CDH18: variants seen among roughly 807,000 people sequenced by gnomAD.
The protein encoded by CDH18 is cadherin 18, also known as cadherin-18.
In CDH18, 31 loss-of-function variants were observed where a neutral mutation model predicts 67.9. The observed-to-expected ratio is 0.46, with a 90% CI of 0.34 to 0.62. The LOEUF (loss-of-function observed/expected upper bound fraction) is 0.62. Among genes scored for constraint, CDH18 ranks in the 20% least tolerant of loss-of-function variants. The pLI, the probability that CDH18 is intolerant of heterozygous loss-of-function variation, is 0.01. For synonymous variants in CDH18, 362 were observed against 347.2 expected (o/e 1.04, Z -0.48); for missense variants, 890 against 975.5 (o/e 0.91, Z 1.17).
At chr5:20,402,742 G>C (rs1432891015) in intron 1 of CDH18, among the ~76,000 whole-genome samples, 1 of 152,044 alleles carries the variant, frequency 6.6e-6, no homozygotes. Context: ...TGACTTATCA[G>C]GGTGCTGCTT....
At chr5:19,734,943 T>C (rs1238557586) in intron 4 of CDH18, among the ~76,000 whole-genome samples, 2 of 152,136 alleles carry the variant, frequency 1.3e-5, no homozygotes, top group African/African-American at 2.4e-5. Flanking sequence ...CTTTAAGCAA[T>C]AAAAGTTGAT....
At chr5:19,812,704 C>A (rs557506414) in intron 3 of CDH18, among the ~76,000 whole-genome samples, 50 of 152,194 alleles carry the variant, frequency 3.3e-4, no homozygotes, top group African/African-American at 1.1e-3. Flanking sequence ...AGTAGAAACG[C>A]TTTTACACTG....
intron 2 of CDH18, among the ~76,000 whole-genome samples, chr5:20,053,607 C>T (rs1181995094): frequency 6.6e-6 from 1 of 151,932 alleles, no homozygotes; most frequent in Non-Finnish European, 1.5e-5. Context: ...CTTATCAGTC[C>T]TTCCTTCAAA....
intron 1 of CDH18, among the ~76,000 whole-genome samples, chr5:20,436,382 A>C (rs919943560): frequency 6.6e-6 from 1 of 151,858 alleles, no homozygotes; most frequent in Non-Finnish European, 1.5e-5. Flanking sequence ...CCACTATTCT[A>C]TCATGCTCTT....
At chr5:19,757,090 A>C (rs1447537871) in intron 3 of CDH18, among the ~76,000 whole-genome samples, 2 of 152,206 alleles carry the variant, frequency 1.3e-5, no homozygotes, top group Admixed American at 1.3e-4. Context: ...AGTTAATTCC[A>C]TGAGGATAAG....
intron 2 of CDH18, among the ~76,000 whole-genome samples, chr5:19,878,548 A>G (rs1030978965): frequency 1.3e-5 from 2 of 152,078 alleles, no homozygotes; most frequent in African/African-American, 2.4e-5. Flanking sequence ...TTACCTACCT[A>G]AAAGAAACAA....
intron 1 of CDH18, among the ~76,000 whole-genome samples, chr5:20,464,854 A>G (rs564842916): frequency 5.7e-4 from 87 of 152,260 alleles, no homozygotes; most frequent in African/African-American, 2.0e-3. Flanking sequence ...AGGAACAAGA[A>G]AAACTTGCCA....
chr5:20,188,505 CATT>C (rs1384662733), intron 2 of CDH18, among the ~76,000 whole-genome samples: 3 of 152,058 alleles, frequency 2.0e-5, no homozygotes, highest in Non-Finnish European at 2.9e-5. Context: ...TTATCTTCAT[CATT>C]ATCATTTTCA....
At chr5:19,687,413 G>A (rs1580871784) in intron 5 of CDH18, among the ~76,000 whole-genome samples, 1 of 152,276 alleles carries the variant, frequency 6.6e-6, no homozygotes, top group East Asian at 1.9e-4. Flanking sequence ...TCACACAGAG[G>A]ACTACAGTGG....
At chr5:20,105,509 A>G (rs1746853807) in intron 2 of CDH18, among the ~76,000 whole-genome samples, 1 of 152,212 alleles carries the variant, frequency 6.6e-6, no homozygotes, top group South Asian at 2.1e-4. Context: ...AGTGTTGAGC[A>G]ATCATTACCA....
intron 3 of CDH18, among the ~76,000 whole-genome samples, chr5:19,756,831 T>C (rs1254488805): frequency 1.3e-5 from 2 of 152,186 alleles, no homozygotes; most frequent in African/African-American, 2.4e-5. Flanking sequence ...AGTGGATCAC[T>C]AGGGGAGATG....
At chr5:19,559,068 T>C (rs1429435934) in intron 8 of CDH18, among the ~76,000 whole-genome samples, 2 of 152,114 alleles carry the variant, frequency 1.3e-5, no homozygotes, top group South Asian at 2.1e-4. Context: ...TTGAGCTTGT[T>C]TGGATCTTCT....
At chr5:20,228,018 A>C (rs931251559) in intron 2 of CDH18, among the ~76,000 whole-genome samples, 61 of 152,148 alleles carry the variant, frequency 4.0e-4, no homozygotes, top group African/African-American at 1.4e-3. Context: ...ATTTATGTTA[A>C]ATCCAATGTT....
At chr5:19,948,093 A>T (rs1251831731) in intron 2 of CDH18, among the ~76,000 whole-genome samples, 1 of 152,224 alleles carries the variant, frequency 6.6e-6, no homozygotes, top group African/African-American at 2.4e-5. Flanking sequence ...CACAAACACC[A>T]TTTAGAATAG....
intron 2 of CDH18, among the ~76,000 whole-genome samples, chr5:19,893,590 C>T (rs1439209589): frequency 6.6e-6 from 1 of 152,134 alleles, no homozygotes; most frequent in Non-Finnish European, 1.5e-5. Flanking sequence ...CTCTTTCTCT[C>T]TCTCTCTCCT....
At chr5:19,839,951 G>T (rs777454632) in intron 2 of CDH18, among the ~76,000 whole-genome samples, 1 of 151,902 alleles carries the variant, frequency 6.6e-6, no homozygotes, top group Non-Finnish European at 1.5e-5. Context: ...AAAATGTTTT[G>T]ATTTTTAAAA....
Position 19,543,945 on chromosome 5 carries a change from C to T in CDH18, c.1314G>A (p.Gly438=). ...CGAGAACCTTTGTAGTCCTAATGGT[C>T]CCAGTATTGGCATCAATGTTGAAAA... is the stretch of plus-strand genomic sequence containing the variant. ...DRFFNIDANT[G]TIRTTKVLDR... Residue 438 remains glycine, a synonymous_variant, in exon 9 of 13, where the codon GGG becomes GGA. Coordinates refer to ENST00000382275, the MANE Select transcript of CDH18 (RefSeq NM_004934.5). The T allele has an allele frequency of 6.3e-7, 1 of 1,595,860 alleles. No individual in the cohort carries two copies. Among genetic ancestry groups the T allele is most frequent in the Non-Finnish European group, 8.6e-7 (1 of 1,166,380 alleles).
intron 3 of CDH18, among the ~76,000 whole-genome samples, chr5:19,781,769 A>C (rs1775140647): frequency 6.6e-6 from 1 of 152,174 alleles, no homozygotes; most frequent in African/African-American, 2.4e-5. Context: ...AAAACACAAT[A>C]ATAATGGAGA....
chr5:19,540,088 A>G (rs1200818444), intron 9 of CDH18, among the ~76,000 whole-genome samples: 2 of 149,428 alleles, frequency 1.3e-5, no homozygotes, highest in Non-Finnish European at 2.9e-5. Flanking sequence ...GTTACTTCCT[A>G]GACACAATGG....
Sources: gnomAD v4.1 joint callset for allele counts (sites outside exome capture counted in the v4.1 genomes callset) on GRCh38, gnomAD v4.1.1 for gene constraint, MANE v1.5 for transcripts, NCBI Gene and HGNC (gene_info 2026-07-23, HGNC 2026-07-21) for gene names.